Variants in SPG7 observed in about 807,000 individuals in gnomAD.
SPG7 encodes the protein mitochondrial inner membrane m-AAA protease component paraplegin.
In SPG7, 103 loss-of-function variants were observed where a neutral mutation model predicts 81.9. The observed-to-expected ratio is 1.26, with a 90% confidence interval of 1.07 to 1.48. The LOEUF (loss-of-function observed/expected upper bound fraction) is 1.48, where lower values mean the gene tolerates loss of function less well. Among genes scored for constraint, SPG7 ranks in the 40% most tolerant of loss-of-function variants. The pLI is 0.00. For missense variants in SPG7, 1,241 were observed against 1,087.3 expected, an observed-to-expected ratio of 1.14 and a Z score of -1.99; for synonymous variants, 534 against 444.2, an observed-to-expected ratio of 1.20 and a Z score of -2.54.
At chr16:89,554,089 C>T (rs2152412271) in intron 15 of SPG7, 129 bp downstream of exon 15, 1 of 882,478 alleles carries the variant, frequency 1.1e-6, no homozygotes, top group Non-Finnish European at 1.7e-6. Context: ...GGGTTTCTTC[C>T]TTCTGGGCTC....
intron 9 of SPG7, chr16:89,536,941 G>C (rs762774901): frequency 6.2e-7 from 1 of 1,614,152 alleles, no homozygotes; most frequent in South Asian, 1.1e-5. Flanking sequence ...AGTGACTTGA[G>C]CCCAAAGGCA....
At chr16:89,526,563 G>C (rs2058262967) in intron 5 of SPG7, 95 bp downstream of exon 5, 1 of 1,432,246 alleles carries the variant, frequency 7.0e-7, no homozygotes, top group Admixed American at 1.7e-5. Context: ...AACTGTCTTT[G>C]CCTATAGTTA....
intron 4 of SPG7, 70 bp from the exon 5 acceptor site, chr16:89,526,259 C>G: frequency 6.3e-7 from 1 of 1,588,720 alleles, no homozygotes; most frequent in Non-Finnish European, 8.6e-7. Context: ...CAGGCGGGCT[C>G]TCTGTTGACT....
chr16:89,543,646 ATTCTTTTTTTT>A (rs1318396563), intron 9 of SPG7: 24 of 119,758 alleles, frequency 2.0e-4, no homozygotes, highest in Non-Finnish European at 2.6e-4. Flanking sequence ...CCACCAGTGG[ATTCTTTTTTTT>A]TTTTTTTTTT....
At chr16:89,523,906 C>A in intron 3 of SPG7, 100 bp from the exon 4 acceptor site, 4 of 1,454,900 alleles carry the variant, frequency 2.7e-6, no homozygotes, top group Non-Finnish European at 3.8e-6. Flanking sequence ...AGGACGCTGC[C>A]CCTCCCCGTC....
intron 16 of SPG7, chr16:89,555,834 T>C: frequency 1.3e-5 from 5 of 398,622 alleles, no homozygotes; most frequent in Non-Finnish European, 2.2e-5. Context: ...GGGTAGGCAG[T>C]GGATAGGTAG....
At chr16:89,526,281 C>A in intron 4 of SPG7, 48 bp from the exon 5 acceptor site, 2 of 1,611,332 alleles carry the variant, frequency 1.2e-6, no homozygotes, top group South Asian at 1.1e-5. Context: ...TAGGGTTGCT[C>A]GTCTGTCCCT....
intron 9 of SPG7, chr16:89,543,646 ATTCTTTTTTT>A (rs140121429): frequency 0.16 from 19,711 of 119,628 alleles, 1,632 homozygotes; most frequent in Middle Eastern, 0.35. Context: ...CCACCAGTGG[ATTCTTTTTTT>A]TTTTTTTTTT....
intron 12 of SPG7, chr16:89,548,998 T>C (rs1242895076): frequency 4.4e-6 from 2 of 455,724 alleles, no homozygotes; most frequent in Non-Finnish European, 8.8e-6. Context: ...GGCTTCAGCT[T>C]GGGAAAGCAG....
Position 89,529,738 on chromosome 16 carries a change from G to T in SPG7, c.861+159G>T, listed in dbSNP as rs921203995. On this transcript the variant is annotated intron_variant, in intron 6 of 16. Coordinates refer to ENST00000645818, the MANE Select transcript of SPG7 (RefSeq NM_003119.4). ...AGCTCACCTTCCTTTCCCATGGTCC[G>T]GCTGTAAGGCGTGTAGTAACCAATG... 8.6e-6 allele frequency: 6 copies of T among 697,398 alleles called. No individual in the cohort carries two copies. The Admixed American group carries it at 1.2e-4, about 14-fold the overall frequency. 43.2% of individuals were successfully genotyped at this position (697,398 alleles called of 1,614,324 possible).
chr16:89,536,515 G>GAGGC (rs1567918891), intron 9 of SPG7, among the ~76,000 whole-genome samples: 3 of 46,742 alleles, frequency 6.4e-5, no homozygotes, highest in Admixed American at 2.4e-4. Context: ...TGAGGCGGGT[G>GAGGC]AGGTCAGGTG....
At chr16:89,527,807 T>G (rs1342623511) in intron 5 of SPG7, among the ~76,000 whole-genome samples, 1 of 152,138 alleles carries the variant, frequency 6.6e-6, no homozygotes, top group Non-Finnish European at 1.5e-5. Flanking sequence ...GATCAAAATG[T>G]ACCTCTAGCC....
rs571854917 is a variant in SPG7, at chr16:89,528,328, C to G, written c.759-1149C>G. Among the ~76,000 whole-genome samples, 91 of 150,654 alleles carry G rather than the reference C, an allele frequency of 6.0e-4. 3 individuals carry two copies. In the South Asian group the frequency reaches 0.019, roughly 31 times the overall value. On this transcript the variant is annotated intron_variant, in intron 5 of 16. Coordinates refer to ENST00000645818, the MANE Select transcript of SPG7 (RefSeq NM_003119.4). ...GATGGCGTGAACCCGGGAGGCGGAGCTTACAGTGAGCCAAGATAGCACCAC... is the reference window on the plus strand; with the variant it reads ...GATGGCGTGAACCCGGGAGGCGGAGGTTACAGTGAGCCAAGATAGCACCAC...
At chr16:89,538,991 G>C (rs565751396) in intron 9 of SPG7, 1 of 148,266 alleles carries the variant, frequency 6.7e-6, no homozygotes, top group Non-Finnish European at 1.5e-5. Flanking sequence ...CCAGGCAGGA[G>C]CTAAGGGGTG....
intron 9 of SPG7, chr16:89,541,361 G>T (rs1319805254): frequency 1.0e-6 from 1 of 972,494 alleles, no homozygotes; most frequent in African/African-American, 1.8e-5. Context: ...GAAGAGCCAG[G>T]CTTAGTATCG....
At position 89,556,726 on chromosome 16, in the gene SPG7, T is replaced by C. The variant is rs1032216366; in HGVS notation, c.2182-161T>C. The C allele has an allele frequency of 8.7e-6, 6 of 691,918 alleles. No individual in the cohort carries two copies. The Admixed American group carries it at 1.3e-4, about 15-fold the overall frequency. The allele number at this position is 691,918 out of a possible 1,614,324, so 42.9% of individuals were successfully genotyped here. On this transcript the variant is annotated intron_variant, in intron 16 of 16. Transcript: ENST00000645818. ...ATGAGGTTGAGATGGGGGTGATTCT[T>C]CTTTCGGAGCTGCCTCCGTGCCTCC...
Position 89,526,356 on chromosome 16 carries a change from G to T in SPG7, c.646G>T (p.Val216Phe). Residue 216 changes from valine to phenylalanine, a missense_variant, in exon 5 of 17, where the codon GTT becomes TTT. By Grantham distance (50) the Val-to-Phe change is conservative. Coordinates refer to ENST00000645818, the MANE Select transcript of SPG7 (RefSeq NM_003119.4). ...PRLALMYRMQ[V>F]ANIDKFEEKL... ...GCTAGCCTTGATGTACCGAATGCAG[G>T]TTGCAAATATTGACAAGTTTGAAGA... 1.9e-6 allele frequency: 3 copies of T among 1,614,154 alleles called. No homozygotes were observed. The highest frequency in any genetic ancestry group is 2.5e-6 in the Non-Finnish European group (3 of 1,180,034).
At chr16:89,518,632 C>T (rs996874924) in intron 3 of SPG7, 4 of 152,012 alleles carry the variant, frequency 2.6e-5, no homozygotes, top group African/African-American at 7.3e-5. Context: ...ACTGATAACG[C>T]GGGTGAACCC....
At chr16:89,531,266 G>A in intron 7 of SPG7, 1 of 286,790 alleles carries the variant, frequency 3.5e-6, no homozygotes, top group Non-Finnish European at 6.8e-6. Context: ...GGTCACGCCT[G>A]TAGTCCTGGC....
Sources: gnomAD v4.1 joint callset for allele counts (sites outside exome capture counted in the v4.1 genomes callset) on GRCh38, gnomAD v4.1.1 for gene constraint, MANE v1.5 for transcripts, NCBI Gene and HGNC (gene_info 2026-07-23, HGNC 2026-07-21) for gene names.